Variants in TNR observed in about 807,000 individuals in gnomAD.
TNR encodes tenascin R, also known as tenascin-R.
A neutral mutation model predicts 150.4 loss-of-function variants in TNR; 45 were observed. The ratio of observed to expected loss-of-function variants is 0.30; its 90% CI spans 0.24 to 0.38. The LOEUF (loss-of-function observed/expected upper bound fraction) is 0.38, where lower values mean the gene tolerates loss of function less well. Among genes scored for constraint, TNR ranks in the 10% least tolerant of loss-of-function variants. The pLI, the probability that TNR is intolerant of heterozygous loss-of-function variation, is 1.00. For missense variants in TNR, 1,544 were observed against 1,759.1 expected (o/e 0.88, Z 2.19); for synonymous variants, 687 against 678.4 (o/e 1.01, Z -0.20).
At chr1:175,508,533 T>C (rs1384819629) in intron 2 of TNR, among the ~76,000 whole-genome samples, 1 of 152,226 alleles carries the variant, frequency 6.6e-6, no homozygotes, top group Non-Finnish European at 1.5e-5. Context: ...AAAAAGGCTG[T>C]GGCTTCTGTC....
chr1:175,374,313 G>A (rs1443792906), intron 9 of TNR, among the ~76,000 whole-genome samples: 1 of 152,158 alleles, frequency 6.6e-6, no homozygotes, highest in Non-Finnish European at 1.5e-5. Context: ...CCTTGAAGGC[G>A]GCAACTCCCA....
At chr1:175,556,332 A>C (rs755635027) in intron 1 of TNR, among the ~76,000 whole-genome samples, 1 of 152,260 alleles carries the variant, frequency 6.6e-6, no homozygotes, top group Non-Finnish European at 1.5e-5. Flanking sequence ...ATGTCCATGA[A>C]GGACAAAGCA....
At chr1:175,426,670 A>G (rs1431407109) in intron 2 of TNR, among the ~76,000 whole-genome samples, 3 of 151,670 alleles carry the variant, frequency 2.0e-5, no homozygotes, top group Non-Finnish European at 2.9e-5. Context: ...CTTTTACTCT[A>G]TTGACCATAA....
At chr1:175,672,230 A>G (rs1051330213) in intron 1 of TNR, among the ~76,000 whole-genome samples, 8 of 152,192 alleles carry the variant, frequency 5.3e-5, no homozygotes, top group African/African-American at 1.9e-4. Flanking sequence ...CAGGCACTCA[A>G]CAAATGTCCC....
intron 1 of TNR, among the ~76,000 whole-genome samples, chr1:175,639,739 T>A (rs1482078820): frequency 6.6e-6 from 1 of 152,236 alleles, no homozygotes; most frequent in Non-Finnish European, 1.5e-5. Flanking sequence ...AGCTTAGTCC[T>A]CACCAGCCAC....
At chr1:175,331,041 CTTTCT>C (rs1553203254) in intron 20 of TNR, among the ~76,000 whole-genome samples, 1 of 75,858 alleles carries the variant, frequency 1.3e-5, no homozygotes, top group Non-Finnish European at 2.8e-5. Context: ...TTCTTTCTTT[CTTTCT>C]TTCTTTCTTT....
At chr1:175,591,465 A>C (rs905949800) in intron 1 of TNR, among the ~76,000 whole-genome samples, 1 of 152,222 alleles carries the variant, frequency 6.6e-6, no homozygotes, top group African/African-American at 2.4e-5. Flanking sequence ...CCTTCAGCAC[A>C]TGCTGCTAGA....
rs577261789 is a variant in TNR, at chr1:175,396,560, A to T, written c.1224T>A (p.Thr408=). 3.1e-5 allele frequency: 50 copies of T among 1,614,144 alleles called. No homozygotes were observed. Among genetic ancestry groups the T allele is most frequent in the Admixed American group, 1.7e-4 (10 of 60,028 alleles). ...GGTACGTACGGGTGGCCACCTTGGC[A>T]GTGATGGGAAGGCTGAGGATGTTGC... ...VISNILSLPI[T]AKVATHLSTP... Residue 408 remains threonine (T), a synonymous_variant, in exon 5 of 23, where the codon ACT becomes ACA. Transcript: ENST00000367674.
chr1:175,714,488 C>T (rs571888653), intron 1 of TNR, among the ~76,000 whole-genome samples: 4 of 152,286 alleles, frequency 2.6e-5, no homozygotes, highest in East Asian at 3.9e-4. Flanking sequence ...GCCCCAGAAG[C>T]GTATTGACTG....
chr1:175,688,433 G>A (rs545757584), intron 1 of TNR, among the ~76,000 whole-genome samples: 1 of 152,346 alleles, frequency 6.6e-6, no homozygotes, highest in African/African-American at 2.4e-5. Context: ...TCTGCCTGGA[G>A]CAAAGCAGAT....
chr1:175,706,154 A>T (rs1464378599), intron 1 of TNR, among the ~76,000 whole-genome samples: 1 of 152,264 alleles, frequency 6.6e-6, no homozygotes, highest in African/African-American at 2.4e-5. Context: ...TTTGATTTAA[A>T]AAACTCATTC....
intron 1 of TNR, among the ~76,000 whole-genome samples, chr1:175,540,391 A>C (rs1660455086): frequency 6.6e-6 from 1 of 152,192 alleles, no homozygotes; most frequent in African/African-American, 2.4e-5. Flanking sequence ...ATTTATCAGA[A>C]CTTGGGGATG....
intron 2 of TNR, among the ~76,000 whole-genome samples, chr1:175,454,925 C>T (rs1293116275): frequency 7.9e-5 from 12 of 152,182 alleles, no homozygotes. Flanking sequence ...GTCTATATCC[C>T]TTCCTCTTGA....
chr1:175,394,234 G>A (rs1450765662), intron 5 of TNR, among the ~76,000 whole-genome samples: 1 of 150,224 alleles, frequency 6.7e-6, no homozygotes, highest in Non-Finnish European at 1.5e-5. Context: ...ATCATATATA[G>A]TACAGTGCCT....
intron 1 of TNR, among the ~76,000 whole-genome samples, chr1:175,630,849 C>T (rs1173358200): frequency 6.6e-6 from 1 of 151,934 alleles, no homozygotes; most frequent in Non-Finnish European, 1.5e-5. Flanking sequence ...TTATGAATAA[C>T]AGGCTGAATT....
intron 2 of TNR, among the ~76,000 whole-genome samples, chr1:175,518,665 C>T (rs1258178866): frequency 6.6e-6 from 1 of 152,030 alleles, no homozygotes; most frequent in Non-Finnish European, 1.5e-5. Context: ...TCATCTTTTT[C>T]CCCCCATTCT....
intron 1 of TNR, among the ~76,000 whole-genome samples, chr1:175,627,313 A>C (rs1277499958): frequency 6.6e-6 from 1 of 152,070 alleles, no homozygotes; most frequent in African/African-American, 2.4e-5. Flanking sequence ...GGGATGAAAA[A>C]CTCTGATCCT....
intron 1 of TNR, among the ~76,000 whole-genome samples, chr1:175,719,645 A>G (rs1571787174): frequency 6.6e-6 from 1 of 152,220 alleles, no homozygotes; most frequent in Non-Finnish European, 1.5e-5. Flanking sequence ...TGGCTGCCCA[A>G]GTAGAATGGT....
chr1:175,639,368 C>A (rs1270710628), intron 1 of TNR, among the ~76,000 whole-genome samples: 2 of 152,204 alleles, frequency 1.3e-5, no homozygotes, highest in African/African-American at 4.8e-5. Flanking sequence ...TGCTGAAACT[C>A]ATTTTAGAAT....
Sources: allele counts gnomAD v4.1 joint callset (sites outside exome capture counted in the v4.1 genomes callset), GRCh38; gene constraint gnomAD v4.1.1; transcripts MANE v1.5; gene names NCBI Gene and HGNC (gene_info 2026-07-23, HGNC 2026-07-21).